Variants in WDPCP observed in about 807,000 individuals in gnomAD.
WDPCP encodes WD repeat containing planar cell polarity effector.
A neutral mutation model predicts 93.1 loss-of-function variants in WDPCP; 71 were observed. The observed-to-expected ratio is 0.76, with a 90% CI of 0.63 to 0.93. WDPCP has a LOEUF of 0.93. Among genes scored for constraint, WDPCP ranks in the 40% least tolerant of loss-of-function variants. The pLI is 0.00. For synonymous variants in WDPCP, 315 were observed against 315.0 expected (o/e 1.00, Z 0.00); for missense variants, 844 against 887.4 (o/e 0.95, Z 0.62).
chr2:63,673,328 A>G (rs1268616671), intron 2 of WDPCP, among the ~76,000 whole-genome samples: 1 of 152,210 alleles, frequency 6.6e-6, no homozygotes, highest in East Asian at 1.9e-4. Context: ...ATAAAGTGGT[A>G]GGGAGCTGAA....
chr2:63,271,714 C>T (rs1387422202), intron 13 of WDPCP, among the ~76,000 whole-genome samples: 2 of 152,158 alleles, frequency 1.3e-5, no homozygotes, highest in African/African-American at 4.8e-5. Flanking sequence ...CCAAGCACAC[C>T]ATTTGAGGAC....
At chr2:63,142,577 G>T (rs1437664707) in intron 17 of WDPCP, among the ~76,000 whole-genome samples, 1 of 152,112 alleles carries the variant, frequency 6.6e-6, no homozygotes, top group Non-Finnish European at 1.5e-5. Context: ...CTTGGAGAAA[G>T]TTCCATGCAC....
chr2:63,300,716 G>C (rs970756552), intron 13 of WDPCP, among the ~76,000 whole-genome samples: 2 of 152,234 alleles, frequency 1.3e-5, no homozygotes, highest in Non-Finnish European at 2.9e-5. Flanking sequence ...AGTAACTGGG[G>C]ATATAGCTCA....
chr2:63,729,753 T>C (rs1278778331), intron 2 of WDPCP, among the ~76,000 whole-genome samples: 3 of 152,210 alleles, frequency 2.0e-5, no homozygotes, highest in East Asian at 3.8e-4. Flanking sequence ...ACAGCAGTTT[T>C]AACCAAATTT....
intron 12 of WDPCP, among the ~76,000 whole-genome samples, chr2:63,342,607 A>T (rs1031357605): frequency 1.3e-5 from 2 of 152,110 alleles, no homozygotes; most frequent in African/African-American, 4.8e-5. Flanking sequence ...ATTCACACCA[A>T]CGTAGCTTCA....
chr2:63,270,895 T>A (rs934256212), intron 13 of WDPCP, among the ~76,000 whole-genome samples: 12 of 152,122 alleles, frequency 7.9e-5, no homozygotes, highest in African/African-American at 2.9e-4. Flanking sequence ...CCCCCAAGAC[T>A]CAAGCAGCTG....
intron 14 of WDPCP, among the ~76,000 whole-genome samples, chr2:63,241,057 C>A (rs1679820336): frequency 6.6e-6 from 1 of 152,112 alleles, no homozygotes; most frequent in African/African-American, 2.4e-5. Flanking sequence ...TTCTTAATTA[C>A]CATATGTCAC....
intron 2 of WDPCP, among the ~76,000 whole-genome samples, chr2:63,801,927 C>G (rs191843960): frequency 6.6e-6 from 1 of 152,118 alleles, no homozygotes; most frequent in East Asian, 1.9e-4. Flanking sequence ...ATGCCATATT[C>G]TATCTGTAAG....
At chr2:63,424,436 T>G (rs1291627986) in intron 9 of WDPCP, among the ~76,000 whole-genome samples, 1 of 152,152 alleles carries the variant, frequency 6.6e-6, no homozygotes. Context: ...ACACCCTCGT[T>G]GTCCACCAGC....
intron 16 of WDPCP, 51 bp downstream of exon 16, chr2:63,153,444 C>CTTTT (rs1559158770): frequency 3.5e-6 from 5 of 1,416,288 alleles, no homozygotes; most frequent in Non-Finnish European, 5.0e-6. Flanking sequence ...CAAGCTATAA[C>CTTTT]ATAGTTTTTC....
intron 2 of WDPCP, among the ~76,000 whole-genome samples, chr2:63,799,075 T>C (rs1670658544): frequency 6.6e-6 from 1 of 152,226 alleles, no homozygotes. Flanking sequence ...TTAATTACCA[T>C]ACCTACTAAG....
chr2:63,281,835 G>T (rs905933436), intron 13 of WDPCP, among the ~76,000 whole-genome samples: 1 of 152,126 alleles, frequency 6.6e-6, no homozygotes, highest in Non-Finnish European at 1.5e-5. Flanking sequence ...AAATGGTGGG[G>T]GTGCGGTGAA....
At chr2:63,809,537 A>G (rs1164654060) in intron 2 of WDPCP, among the ~76,000 whole-genome samples, 1 of 152,216 alleles carries the variant, frequency 6.6e-6, no homozygotes, top group East Asian at 1.9e-4. Flanking sequence ...AGAAGTAGAC[A>G]TGGGAGACTT....
intron 1 of WDPCP, among the ~76,000 whole-genome samples, chr2:63,549,299 A>C (rs898935883): frequency 6.6e-6 from 1 of 151,786 alleles, no homozygotes; most frequent in Non-Finnish European, 1.5e-5. Context: ...GCATCCATCT[A>C]AAGGAATTAA....
intron 14 of WDPCP, among the ~76,000 whole-genome samples, chr2:63,190,580 A>G (rs887801911): frequency 6.6e-6 from 1 of 152,182 alleles, no homozygotes; most frequent in African/African-American, 2.4e-5. Flanking sequence ...GCAACTTAAT[A>G]TGGTTATAAC....
At chr2:63,128,045 A>G (rs1670040662) in intron 17 of WDPCP, among the ~76,000 whole-genome samples, 1 of 152,112 alleles carries the variant, frequency 6.6e-6, no homozygotes, top group Non-Finnish European at 1.5e-5. Context: ...AGGCTGAGGC[A>G]GGAGAATCAC....
chr2:63,696,320 T>A (rs1668960371), intron 2 of WDPCP, among the ~76,000 whole-genome samples: 1 of 152,128 alleles, frequency 6.6e-6, no homozygotes, highest in South Asian at 2.1e-4. Flanking sequence ...AAGTTTCTTC[T>A]TGGCAGTGTT....
At chr2:63,713,812 T>TTA (rs1292910735) in intron 2 of WDPCP, among the ~76,000 whole-genome samples, 1 of 152,208 alleles carries the variant, frequency 6.6e-6, no homozygotes, top group Non-Finnish European at 1.5e-5. Context: ...TTGAGGTTAA[T>TTA]TATAGTAGGA....
chr2:63,746,722 G>A (rs1053942776), intron 2 of WDPCP, among the ~76,000 whole-genome samples: 3 of 152,124 alleles, frequency 2.0e-5, no homozygotes, highest in African/African-American at 7.2e-5. Context: ...CCAGCCTGGC[G>A]AATTCTAGTC....
Sources: allele counts gnomAD v4.1 joint callset (sites outside exome capture counted in the v4.1 genomes callset), GRCh38; gene constraint gnomAD v4.1.1; transcripts MANE v1.5; gene names NCBI Gene and HGNC (gene_info 2026-07-23, HGNC 2026-07-21).